WHAMM: variants seen among roughly 807,000 people sequenced by gnomAD.
WHAMM encodes the protein WASP homolog associated with actin, golgi membranes and microtubules.
WHAMM carries 67 observed loss-of-function variants against 76.5 expected under a neutral mutation model. The observed-to-expected ratio is 0.88, with a 90% confidence interval of 0.72 to 1.07. WHAMM has a LOEUF of 1.07. Among genes scored for constraint, WHAMM ranks in the 50% least tolerant of loss-of-function variants. The pLI is 0.00. For synonymous variants in WHAMM, 419 were observed against 422.1 expected (o/e 0.99, Z 0.09); for missense variants, 1,021 against 1,051.1 (o/e 0.97, Z 0.40).
chr15:82,815,141 AT>A (rs1470849038), intron 2 of WHAMM, among the ~76,000 whole-genome samples: 1,090 of 40,704 alleles, frequency 0.027, 70 homozygotes, highest in African/African-American at 0.077. Flanking sequence ...ATATATATAT[AT>A]ATATATATAT....
At position 82,813,202 on chromosome 15, in the gene WHAMM, A is replaced by G. The variant is rs1230704970; in HGVS notation, c.709A>G (p.Met237Val). 6.2e-7 allele frequency: 1 copy of G among 1,613,080 alleles called. No homozygotes were observed. The highest frequency in any genetic ancestry group is 2.2e-5 in the East Asian group (1 of 44,872). ...CCAGGAATTGGTTACCGTGGCAACCATGTTCTTCCAGTACTTATTGCAGCC... is the reference window on the plus strand; with the variant it reads ...CCAGGAATTGGTTACCGTGGCAACCGTGTTCTTCCAGTACTTATTGCAGCC... ...AYQELVTVAT[M>V]FFQYLLQPFR... Residue 237 changes from methionine to valine, a missense_variant, in exon 2 of 10, where the codon ATG (methionine) becomes GTG (valine). Coordinates refer to ENST00000286760, the MANE Select transcript of WHAMM (RefSeq NM_001080435.3).
Position 82,819,344 on chromosome 15 carries a change from G to GA in WHAMM, c.1133dup (p.Asn378LysfsTer7). 5.4e-6 allele frequency: 6 copies of GA among 1,118,372 alleles called. No individual in the cohort carries two copies. The highest frequency in any genetic ancestry group is 3.2e-5 in the East Asian group (1 of 31,242). The allele number at this position is 1,118,372 out of a possible 1,614,324, so 69.3% of individuals were successfully genotyped here. On this transcript the variant is annotated frameshift_variant, in exon 5 of 10. Coordinates refer to ENST00000286760, the MANE Select transcript of WHAMM (RefSeq NM_001080435.3). LOFTEE classifies it high-confidence loss of function. ...TAAGATGGAAGATCTTCCAGAACAAGAAAAAAATACAAATGTTGTAGATGA... is the reference window on the plus strand; with the variant it reads ...TAAGATGGAAGATCTTCCAGAACAAGAAAAAAAATACAAATGTTGTAGATGA...
chr15:82,813,090 A>G lies in WHAMM; in HGVS notation c.610-13A>G, dbSNP rs1246473915. ...CTGTCCTGACTTGAGCTTTATTCAC[A>G]TTTGCTTTCTAGGTTATTCAAGGAC... On this transcript the variant is annotated splice_polypyrimidine_tract_variant and intron_variant, in intron 1 of 9. Transcript: ENST00000286760. 1 of 1,586,186 alleles carries G rather than the reference A, an allele frequency of 6.3e-7. No homozygotes were observed. The highest frequency in any genetic ancestry group is 8.6e-7 in the Non-Finnish European group (1 of 1,169,274).
intron 2 of WHAMM, among the ~76,000 whole-genome samples, chr15:82,815,155 A>ATATATATATATATAT (rs55807384): frequency 1.7e-4 from 8 of 46,132 alleles, no homozygotes; most frequent in East Asian, 6.5e-4. Context: ...ATATATATAT[A>ATATATATATATATAT]GTACAATTCA....
In WHAMM at chr15:82,813,198, A is replaced by G. The variant is rs1300959298; in HGVS notation, c.705A>G (p.Ala235=). Residue 235 remains alanine (A), a synonymous_variant, in exon 2 of 10, where the codon GCA becomes GCG. Transcript: ENST00000286760. The part of the protein sequence containing the change: ...DEAYQELVTV[A]TMFFQYLLQP... ...CATACCAGGAATTGGTTACCGTGGC[A>G]ACCATGTTCTTCCAGTACTTATTGC... The G allele has an allele frequency of 1.9e-6, 3 of 1,613,090 alleles. No individual in the cohort carries two copies. The highest frequency in any genetic ancestry group is 2.5e-6 in the Non-Finnish European group (3 of 1,179,564).
intron 8 of WHAMM, among the ~76,000 whole-genome samples, chr15:82,829,646 G>A (rs1448400796): frequency 2.6e-5 from 4 of 152,036 alleles, no homozygotes; most frequent in East Asian, 1.9e-4. Context: ...TGAGTTTATC[G>A]TGGATTGCAT....
At chr15:82,822,426 T>C (rs2050843563) in intron 5 of WHAMM, among the ~76,000 whole-genome samples, 1 of 152,122 alleles carries the variant, frequency 6.6e-6, no homozygotes, top group Admixed American at 6.6e-5. Context: ...GCCATTAAAA[T>C]TTATCTTTTT....
At chr15:82,824,196 C>T (rs1213756412) in intron 6 of WHAMM, among the ~76,000 whole-genome samples, 4 of 116,844 alleles carry the variant, frequency 3.4e-5, no homozygotes, top group Non-Finnish European at 7.0e-5. Context: ...CTCGCTCTGT[C>T]TCCTAGTCTG....
intron 2 of WHAMM, among the ~76,000 whole-genome samples, chr15:82,814,659 T>G (rs2151558127): frequency 6.6e-6 from 1 of 151,208 alleles, no homozygotes; most frequent in South Asian, 2.1e-4. Context: ...TTCATGTTGG[T>G]CAGGCTGGTC....
chr15:82,815,085 G>T (rs57252413), intron 2 of WHAMM, among the ~76,000 whole-genome samples: 19,041 of 133,824 alleles, frequency 0.14, 1,633 homozygotes, highest in South Asian at 0.34. Context: ...TTCATAAAAG[G>T]TGTTTTAAGA....
intron 5 of WHAMM, 29 bp from the exon 6 acceptor site, chr15:82,823,071 G>T: frequency 7.8e-7 from 1 of 1,278,068 alleles, no homozygotes; most frequent in Non-Finnish European, 1.0e-6. Context: ...AATAAAATAT[G>T]TTTTAAACAA....
rs142052279 is a variant in WHAMM at position 82,810,978 on chromosome 15, G to T, written c.609+643G>T. Among the ~76,000 whole-genome samples the T allele has an allele frequency of 5.1e-3, 774 of 152,232 alleles. 6 individuals carry two copies. The highest frequency in any genetic ancestry group is 0.034 in the Middle Eastern group (10 of 294). On this transcript the variant is annotated intron_variant, in intron 1 of 9. Transcript: ENST00000286760. ...AGGGGAAGTACAAGTTCACAGAAGG[G>T]TTTAGGAGAAAATATGCCTTCTAAG...
At chr15:82,812,507 C>T (rs34337936) in intron 1 of WHAMM, among the ~76,000 whole-genome samples, 22,816 of 152,106 alleles carry the variant, frequency 0.15, 1,906 homozygotes, top group South Asian at 0.34. Flanking sequence ...GGATTACAGG[C>T]GTGAGCCACC....
chr15:82,824,522 T>G (rs2050897194), intron 6 of WHAMM, among the ~76,000 whole-genome samples: 1 of 152,184 alleles, frequency 6.6e-6, no homozygotes, highest in Non-Finnish European at 1.5e-5. Context: ...GGTTTCACCA[T>G]GTTGGCCAAG....
Position 82,826,776 on chromosome 15 carries a change from A to C in WHAMM, c.1571A>C (p.Glu524Ala), listed in dbSNP as rs368856304. 6.5e-7 allele frequency: 1 copy of C among 1,548,476 alleles called. No individual in the cohort carries two copies. Among genetic ancestry groups the C allele is most frequent in the Non-Finnish European group, 8.7e-7 (1 of 1,146,732 alleles). ...QMKRDKIKEE[E>A]QKKKEWINQE... Reference sequence around the variant, plus strand: ...AAAAGAGACAAGATAAAAGAAGAGGAGCAAAAGAAAAAAGAATGGATCAAC... The same window carrying C: ...AAAAGAGACAAGATAAAAGAAGAGGCGCAAAAGAAAAAAGAATGGATCAAC... Residue 524 changes from glutamate (E) to alanine (A), a missense_variant, in exon 8 of 10, where the codon GAG becomes GCG. By Grantham distance (107) the Glu-to-Ala change is moderately radical (BLOSUM62 -1). Around this residue, in one of 3 missense-constraint regions of WHAMM, gnomAD observed 509 missense variants for 492.3 expected, o/e 1.03. Coordinates refer to ENST00000286760, the MANE Select transcript of WHAMM (RefSeq NM_001080435.3).
At chr15:82,817,493 A>G (rs1304346384) in intron 3 of WHAMM, among the ~76,000 whole-genome samples, 1 of 152,200 alleles carries the variant, frequency 6.6e-6, no homozygotes, top group Non-Finnish European at 1.5e-5. Flanking sequence ...ATAAAACAGA[A>G]AACTACGTAG....
intron 8 of WHAMM, among the ~76,000 whole-genome samples, chr15:82,829,025 G>A (rs1300510058): frequency 6.6e-6 from 1 of 152,226 alleles, no homozygotes; most frequent in African/African-American, 2.4e-5. Context: ...AGCACATTTG[G>A]AAGGGAGGAA....
Position 82,809,824 on chromosome 15 carries a change from C to G in WHAMM, c.98C>G (p.Ala33Gly). Residue 33 changes from alanine to glycine, a missense_variant, in exon 1 of 10, where the codon GCC (alanine) becomes GGC (glycine). By Grantham distance (60) the Ala-to-Gly change is moderately conservative. This residue lies in a region of WHAMM where 501 missense variants were observed against 524.9 expected (regional missense o/e 0.95). Transcript: ENST00000286760. ...PERHRLRFLVAWNGAEGKFAV... is the reference protein window; with the variant it reads ...PERHRLRFLVGWNGAEGKFAV... ...AGGCACCGGCTGCGCTTCCTGGTGG[C>G]CTGGAACGGCGCGGAGGGCAAGTTC... is the stretch of plus-strand genomic sequence containing the variant. 4 of 1,604,576 alleles carry G rather than the reference C, an allele frequency of 2.5e-6. No homozygotes were observed. Among genetic ancestry groups the G allele is most frequent in the Non-Finnish European group, 3.4e-6 (4 of 1,176,496 alleles).
chr15:82,811,139 A>G (rs1173765372), intron 1 of WHAMM, among the ~76,000 whole-genome samples: 3 of 152,246 alleles, frequency 2.0e-5, no homozygotes, highest in African/African-American at 7.2e-5. Context: ...AGCTAAATGT[A>G]GAATAAGCTT....
Sources: gnomAD v4.1 joint callset for allele counts (sites outside exome capture counted in the v4.1 genomes callset) on GRCh38, gnomAD v4.1.1 for gene constraint, gnomAD v4.1.1 regional missense constraint, MANE v1.5 for transcripts, NCBI Gene and HGNC (gene_info 2026-07-23, HGNC 2026-07-21) for gene names.